CHAT: variants seen among roughly 807,000 people sequenced by gnomAD.
The protein encoded by CHAT is choline O-acetyltransferase.
CHAT carries 61 observed loss-of-function variants against 76.9 expected under a neutral mutation model. The ratio of observed to expected loss-of-function variants is 0.79; its 90% CI spans 0.65 to 0.98. The LOEUF (loss-of-function observed/expected upper bound fraction) is 0.98, where lower values mean the gene tolerates loss of function less well. Ranked by LOEUF, CHAT falls within the 50% of genes least tolerant of loss-of-function variation. CHAT has a pLI of 0.00. For missense variants in CHAT, 946 were observed against 986.9 expected (o/e 0.96, Z 0.56); for synonymous variants, 407 against 397.4 (o/e 1.02, Z -0.29).
At chr10:49,622,570 T>C (rs573557891) in intron 5 of CHAT, among the ~76,000 whole-genome samples, 1 of 152,256 alleles carries the variant, frequency 6.6e-6, no homozygotes, top group East Asian at 1.9e-4. Flanking sequence ...TCAGTGGACA[T>C]GAGGCTGTTC....
chr10:49,622,036 G>A (rs1838742730), intron 4 of CHAT, 61 bp from the exon 5 acceptor site: 1 of 1,570,978 alleles, frequency 6.4e-7, no homozygotes, highest in Non-Finnish European at 8.8e-7. Flanking sequence ...GCAGAAGGGA[G>A]GGAGGGAGGG....
At chr10:49,609,240 G>A (rs1223157927), upstream of CHAT, 5 of 152,264 alleles carry the variant, frequency 3.3e-5, no homozygotes, top group Admixed American at 3.3e-4. Flanking sequence ...GAAGCGGCTG[G>A]GCGCTCTCCG....
upstream of CHAT, chr10:49,610,352 C>T (rs1244508118): frequency 5.0e-6 from 1 of 198,726 alleles, no homozygotes; most frequent in Non-Finnish European, 1.0e-5. Flanking sequence ...GCGGGGCTAA[C>T]GGGCGGGCAA....
rs560684733 is a variant in CHAT at position 49,626,662 on chromosome 10, G to A, written c.934-946G>A. Among the ~76,000 whole-genome samples, 5 of 152,240 alleles carry A rather than the reference G, an allele frequency of 3.3e-5. No individual in the cohort carries two copies. The South Asian group carries it at 6.2e-4, about 19-fold the overall frequency. ...TATTTCCCAGCTCCCACAGGCCACC[G>A]TATCCACCTCTTCCAGACATGCTCT... On this transcript the variant is annotated intron_variant, in intron 6 of 14. Transcript: ENST00000337653.
intron 7 of CHAT, among the ~76,000 whole-genome samples, chr10:49,640,296 T>G (rs1258958891): frequency 6.6e-6 from 1 of 152,156 alleles, no homozygotes; most frequent in East Asian, 1.9e-4. Context: ...TAGTTCTTGG[T>G]AGAATGAGTG....
intron 13 of CHAT, among the ~76,000 whole-genome samples, chr10:49,657,693 C>T (rs998318482): frequency 1.3e-5 from 2 of 152,176 alleles, no homozygotes; most frequent in Non-Finnish European, 2.9e-5. Flanking sequence ...CACTCAGCTC[C>T]ATACACACTG....
intron 7 of CHAT, among the ~76,000 whole-genome samples, chr10:49,637,131 G>A (rs549600106): frequency 1.3e-5 from 2 of 150,056 alleles, no homozygotes; most frequent in Admixed American, 1.3e-4. Flanking sequence ...GTTTTCAACT[G>A]TATTGATTTC....
chr10:49,660,409 T>C (rs1840156594), intron 13 of CHAT, among the ~76,000 whole-genome samples: 1 of 149,788 alleles, frequency 6.7e-6, no homozygotes, highest in South Asian at 2.1e-4. Context: ...GCCACTGCAC[T>C]CCAGCCTAGA....
Position 49,665,183 on chromosome 10 carries a change from T to C in CHAT, c.*137T>C, listed in dbSNP as rs1197792209. ...CCAACTCACAGACCATACAGAGACA[T>C]CACACAGAGCCGGAGTGTTAGGAGG... is the stretch of plus-strand genomic sequence containing the variant. On this transcript the variant is annotated 3_prime_UTR_variant, in exon 15 of 15. Coordinates refer to ENST00000337653, the MANE Select transcript of CHAT (RefSeq NM_020549.5). The C allele has an allele frequency of 2.2e-6, 2 of 929,982 alleles. No homozygotes were observed. The highest frequency in any genetic ancestry group is 3.2e-5 in the African/African-American group (2 of 61,796). The allele number at this position is 929,982 out of a possible 1,614,324, so 57.6% of individuals were successfully genotyped here.
intron 10 of CHAT, 34 bp from the exon 11 acceptor site, chr10:49,651,850 T>G: frequency 6.2e-7 from 1 of 1,603,446 alleles, no homozygotes; most frequent in Non-Finnish European, 8.5e-7. Flanking sequence ...CTGTTTTGCA[T>G]GCAATAAAAA....
intron 7 of CHAT, among the ~76,000 whole-genome samples, chr10:49,645,327 G>T (rs112413632): frequency 6.6e-6 from 1 of 152,156 alleles, no homozygotes. Flanking sequence ...CAGCCCCCAA[G>T]GTCAGGCTCT....
intron 5 of CHAT, 132 bp from the exon 6 acceptor site, chr10:49,625,341 T>G: frequency 1.3e-6 from 1 of 797,404 alleles, no homozygotes; most frequent in Non-Finnish European, 2.1e-6. Context: ...GCTCTGCATC[T>G]GCCATGATGA....
upstream of CHAT, among the ~76,000 whole-genome samples, chr10:49,609,837 A>T (rs1252441708): frequency 6.6e-6 from 1 of 152,094 alleles, no homozygotes; most frequent in Admixed American, 6.5e-5. Flanking sequence ...GCGAGAACAG[A>T]TGGACGCAGC....
chr10:49,632,361 G>A (rs1839154701), intron 7 of CHAT, among the ~76,000 whole-genome samples: 1 of 152,142 alleles, frequency 6.6e-6, no homozygotes. Context: ...TGGTTGCCTA[G>A]TGTGGCTGTT....
chr10:49,649,657 C>A, intron 10 of CHAT, 21 bp downstream of exon 10: 1 of 1,613,452 alleles, frequency 6.2e-7, no homozygotes, highest in African/African-American at 1.3e-5. Flanking sequence ...CCGAAGTCTC[C>A]TTTGAGGGGT....
intron 10 of CHAT, among the ~76,000 whole-genome samples, chr10:49,649,967 G>A (rs1839823210): frequency 6.9e-6 from 1 of 145,206 alleles, no homozygotes; most frequent in Admixed American, 7.1e-5. Flanking sequence ...TAAACAACTG[G>A]TTTGAATAGG....
At position 49,616,330 on chromosome 10, in the gene CHAT, G is replaced by A. The variant is rs187054945; in HGVS notation, c.287-172G>A. Among the ~76,000 whole-genome samples, 570 of 152,234 alleles carry A rather than the reference G, an allele frequency of 3.7e-3. 3 individuals are homozygous for A. The highest frequency in any genetic ancestry group is 9.2e-3 in the Admixed American group (141 of 15,298). Reference sequence around the variant, plus strand: ...CCAGAGAGAACACTGTGGTCAGCACGTACAGGTGGAAGTAGAGACTGGGGC... The same window carrying A: ...CCAGAGAGAACACTGTGGTCAGCACATACAGGTGGAAGTAGAGACTGGGGC... On this transcript the variant is annotated intron_variant, in intron 1 of 14. Transcript: ENST00000337653.
At chr10:49,639,304 G>A (rs913878097) in intron 7 of CHAT, among the ~76,000 whole-genome samples, 1 of 152,080 alleles carries the variant, frequency 6.6e-6, no homozygotes, top group African/African-American at 2.4e-5. Context: ...GGATATGTCT[G>A]CTTGGCATAA....
chr10:49,648,989 C>T (rs1333872380), intron 9 of CHAT, among the ~76,000 whole-genome samples: 2 of 152,276 alleles, frequency 1.3e-5, no homozygotes, highest in East Asian at 3.9e-4. Flanking sequence ...CTTCCAAATC[C>T]CAAGGCTGGG....
Sources: gnomAD v4.1 joint callset for allele counts (sites outside exome capture counted in the v4.1 genomes callset) on GRCh38, gnomAD v4.1.1 for gene constraint, MANE v1.5 for transcripts, NCBI Gene and HGNC (gene_info 2026-07-23, HGNC 2026-07-21) for gene names.